The following RBFOX1 variants were observed in gnomAD, a reference collection of about 807,000 sequenced individuals.
RBFOX1 encodes RNA binding protein fox-1 homolog 1.
Under a neutral mutation model 57.7 loss-of-function variants are expected in RBFOX1, and 8 were observed. The observed-to-expected ratio is 0.14, with a 90% confidence interval of 0.08 to 0.25. The LOEUF is 0.25. Among genes scored for constraint, RBFOX1 ranks in the 10% least tolerant of loss-of-function variants. The probability of loss-of-function intolerance (pLI) is 1.00; values close to 1 mark genes in which losing one functional copy is unlikely to be tolerated. For synonymous variants in RBFOX1, 326 were observed against 222.4 expected, an observed-to-expected ratio of 1.47 and a Z score of -4.15; for missense variants, 611 against 548.5, an observed-to-expected ratio of 1.11 and a Z score of -1.14.
At chr16:6,850,144 C>T (rs1475730568) in intron 3 of RBFOX1, among the ~76,000 whole-genome samples, 1 of 152,064 alleles carries the variant, frequency 6.6e-6, no homozygotes, top group African/African-American at 2.4e-5. Context: ...GTTCCTGCAC[C>T]CTAGGGTTCC....
intron 2 of RBFOX1, among the ~76,000 whole-genome samples, chr16:6,626,312 C>T (rs2098306071): frequency 1.3e-5 from 2 of 152,076 alleles, no homozygotes; most frequent in Non-Finnish European, 2.9e-5. Flanking sequence ...CCAGGTCACC[C>T]ATGAACCTAG....
At chr16:7,263,361 C>G (rs1043815727) in intron 4 of RBFOX1, among the ~76,000 whole-genome samples, 1 of 152,098 alleles carries the variant, frequency 6.6e-6, no homozygotes. Context: ...TTTCGATGTT[C>G]TCAGGAATCA....
At chr16:6,497,498 A>G (rs7198612) in intron 2 of RBFOX1, among the ~76,000 whole-genome samples, 2,688 of 152,126 alleles carry the variant, frequency 0.018, 69 homozygotes, top group East Asian at 0.095. Context: ...AAATGCCGCA[A>G]TGGAGCAAGG....
intron 1 of RBFOX1, among the ~76,000 whole-genome samples, chr16:6,250,613 C>T (rs1263613798): frequency 1.3e-5 from 2 of 152,104 alleles, no homozygotes; most frequent in African/African-American, 4.8e-5. Context: ...CTCTTTTATG[C>T]TCTGGGAAGA....
At chr16:7,454,519 G>GA in intron 4 of RBFOX1, among the ~76,000 whole-genome samples, 1 of 152,160 alleles carries the variant, frequency 6.6e-6, no homozygotes, top group Non-Finnish European at 1.5e-5. Context: ...ATAAGGTCCA[G>GA]AATTCCCATG....
At chr16:5,586,134 A>C (rs891501505) in intron 2 of RBFOX1, among the ~76,000 whole-genome samples, 6 of 152,192 alleles carry the variant, frequency 3.9e-5, no homozygotes, top group Non-Finnish European at 7.3e-5. Flanking sequence ...AGGCACCTTG[A>C]GGATCTCTGT....
At chr16:7,104,428 A>G (rs563029812) in intron 4 of RBFOX1, among the ~76,000 whole-genome samples, 6 of 152,288 alleles carry the variant, frequency 3.9e-5, no homozygotes, top group African/African-American at 1.2e-4. Flanking sequence ...GACTATTGTC[A>G]TCCTGAGATG....
At chr16:6,677,666 C>T (rs936902083) in intron 3 of RBFOX1, among the ~76,000 whole-genome samples, 2 of 152,136 alleles carry the variant, frequency 1.3e-5, no homozygotes, top group South Asian at 4.1e-4. Context: ...TTGGGCTGTT[C>T]CAAAGTTGGA....
chr16:7,264,690 G>C (rs1474274666), intron 4 of RBFOX1, among the ~76,000 whole-genome samples: 2 of 151,978 alleles, frequency 1.3e-5, no homozygotes, highest in African/African-American at 4.8e-5. Flanking sequence ...ATTTTTCTTT[G>C]GATTTTTCTC....
At chr16:7,343,300 A>G (rs2145408900) in intron 4 of RBFOX1, among the ~76,000 whole-genome samples, 1 of 152,304 alleles carries the variant, frequency 6.6e-6, no homozygotes, top group East Asian at 1.9e-4. Flanking sequence ...GTCCCGCTGC[A>G]TCCAGATGTT....
chr16:6,816,175 G>C (rs1430918555), intron 3 of RBFOX1, among the ~76,000 whole-genome samples: 1 of 152,116 alleles, frequency 6.6e-6, no homozygotes, highest in Non-Finnish European at 1.5e-5. Flanking sequence ...GGTAGGTGTG[G>C]TGATGCTCAC....
chr16:7,303,325 C>A (rs897360622), intron 4 of RBFOX1, among the ~76,000 whole-genome samples: 1 of 152,144 alleles, frequency 6.6e-6, no homozygotes, highest in Non-Finnish European at 1.5e-5. Flanking sequence ...CCCTCCTGCC[C>A]CCAGCCCCTA....
At chr16:7,168,098 A>G (rs961170187) in intron 4 of RBFOX1, among the ~76,000 whole-genome samples, 31 of 152,234 alleles carry the variant, frequency 2.0e-4, no homozygotes, top group African/African-American at 6.5e-4. Context: ...AGCTACATTT[A>G]AAAGATTCAA....
intron 3 of RBFOX1, among the ~76,000 whole-genome samples, chr16:6,823,042 G>A (rs949698097): frequency 4.6e-5 from 7 of 152,116 alleles, no homozygotes; most frequent in Non-Finnish European, 7.3e-5. Flanking sequence ...TGTCATGTTT[G>A]TTATTGGCAT....
chr16:6,313,459 G>A (rs1023479692), intron 1 of RBFOX1, among the ~76,000 whole-genome samples: 7 of 152,178 alleles, frequency 4.6e-5, no homozygotes, highest in Admixed American at 1.3e-4. Context: ...AGAATCTATG[G>A]AAACAGAAAC....
chr16:5,717,686 G>C (rs2051762828), intron 3 of RBFOX1, among the ~76,000 whole-genome samples: 2 of 152,168 alleles, frequency 1.3e-5, no homozygotes, highest in South Asian at 4.1e-4. Flanking sequence ...GCAAAGGCCA[G>C]TATATCATTT....
intron 2 of RBFOX1, among the ~76,000 whole-genome samples, chr16:6,394,832 A>G (rs2092755736): frequency 6.6e-6 from 1 of 152,184 alleles, no homozygotes; most frequent in South Asian, 2.1e-4. Context: ...TGAAAAGATC[A>G]GTTTGGGAAG....
At chr16:7,128,494 G>C (rs1024311721) in intron 4 of RBFOX1, among the ~76,000 whole-genome samples, 1 of 152,160 alleles carries the variant, frequency 6.6e-6, no homozygotes, top group African/African-American at 2.4e-5. Flanking sequence ...GTACGTGTGT[G>C]TCTCTGATAT....
intron 2 of RBFOX1, among the ~76,000 whole-genome samples, chr16:6,605,338 G>T (rs936210425): frequency 6.6e-6 from 1 of 152,122 alleles, no homozygotes; most frequent in African/African-American, 2.4e-5. Flanking sequence ...AGCTTTTACA[G>T]GTAGCTGTCT....
Sources: allele counts gnomAD v4.1 joint callset (sites outside exome capture counted in the v4.1 genomes callset), GRCh38; gene constraint gnomAD v4.1.1; transcripts MANE v1.5; gene names NCBI Gene and HGNC (gene_info 2026-07-23, HGNC 2026-07-21).